Variants in CDH4 observed in about 807,000 individuals in gnomAD.
CDH4 encodes the protein cadherin-4.
In CDH4, 33 loss-of-function variants were observed where a neutral mutation model predicts 86.0. The observed-to-expected ratio is 0.38, with a 90% CI of 0.29 to 0.51. CDH4 has a LOEUF of 0.51. Among genes scored for constraint, CDH4 ranks in the 20% least tolerant of loss-of-function variants. The pLI is 0.86. For missense variants in CDH4, 1,114 were observed against 1,307.4 expected, an observed-to-expected ratio of 0.85 and a Z score of 2.28; for synonymous variants, 555 against 549.4, an observed-to-expected ratio of 1.01 and a Z score of -0.14.
intron 2 of CDH4, among the ~76,000 whole-genome samples, chr20:61,364,761 A>G (rs2084802205): frequency 6.6e-6 from 1 of 152,248 alleles, no homozygotes; most frequent in African/African-American, 2.4e-5. Context: ...ATCTGGTTTC[A>G]AACCCAAGCG....
At chr20:61,909,022 T>G (rs1441665086) in intron 8 of CDH4, among the ~76,000 whole-genome samples, 2 of 152,188 alleles carry the variant, frequency 1.3e-5, no homozygotes, top group Non-Finnish European at 2.9e-5. Flanking sequence ...CTTGGTCACC[T>G]CTTTAAAAGT....
intron 2 of CDH4, among the ~76,000 whole-genome samples, chr20:61,271,290 C>A (rs2123138296): frequency 6.6e-6 from 1 of 152,318 alleles, no homozygotes; most frequent in Non-Finnish European, 1.5e-5. Flanking sequence ...GCGACGAGAG[C>A]AAATGTGGAG....
At chr20:61,550,012 C>CCCTGGCCTCCTTGT (rs1181928470) in intron 2 of CDH4, among the ~76,000 whole-genome samples, 14 of 151,646 alleles carry the variant, frequency 9.2e-5, no homozygotes, top group Non-Finnish European at 1.9e-4. Flanking sequence ...CTCACTGCAG[C>CCCTGGCCTCCTTGT]CCTGGCCTCC....
intron 2 of CDH4, chr20:61,740,389 A>G (rs2088318961): frequency 1.3e-5 from 2 of 152,198 alleles, no homozygotes; most frequent in African/African-American, 4.8e-5. Context: ...AGGTACCCAC[A>G]TTTCACAGAG....
intron 2 of CDH4, among the ~76,000 whole-genome samples, chr20:61,739,928 C>T (rs1007533221): frequency 6.6e-6 from 1 of 152,250 alleles, no homozygotes; most frequent in African/African-American, 2.4e-5. Context: ...AAGTCAGTGC[C>T]AGGCAACACC....
At chr20:61,331,182 G>T (rs1445780188) in intron 2 of CDH4, among the ~76,000 whole-genome samples, 3 of 151,988 alleles carry the variant, frequency 2.0e-5, no homozygotes, top group African/African-American at 2.4e-5. Flanking sequence ...CATGCCCAGT[G>T]CCCAGGAGCC....
chr20:61,615,571 G>A (rs1418698167), intron 2 of CDH4, among the ~76,000 whole-genome samples: 1 of 152,226 alleles, frequency 6.6e-6, no homozygotes, highest in Non-Finnish European at 1.5e-5. Context: ...GGATATTGGG[G>A]AGTTGGAAAC....
intron 2 of CDH4, among the ~76,000 whole-genome samples, chr20:61,410,611 C>T (rs1014429680): frequency 6.7e-6 from 1 of 150,020 alleles, no homozygotes; most frequent in Non-Finnish European, 1.5e-5. Context: ...ACACATCCCT[C>T]CATCTTCCAT....
intron 8 of CDH4, among the ~76,000 whole-genome samples, chr20:61,906,259 CA>C (rs544614264): frequency 1.3e-5 from 2 of 152,220 alleles, no homozygotes; most frequent in Admixed American, 6.5e-5. Context: ...GACTCAATGC[CA>C]CTGTTGGGGC....
chr20:61,933,141 C>T lies in CDH4; in HGVS notation c.2379+17C>T, dbSNP rs373001717. 254 of 1,608,190 alleles carry T rather than the reference C, an allele frequency of 1.6e-4. No homozygotes were observed. Among genetic ancestry groups the T allele is most frequent in the Non-Finnish European group, 2.0e-4 (236 of 1,176,800 alleles). On this transcript the variant is annotated intron_variant, in intron 14 of 15. Transcript: ENST00000614565. ...GAGGACCAGGTGAGACTGCGGCCCG[C>T]CCCCGCCTCCCCACGCGAGGCCGGC...
At chr20:61,425,956 G>C (rs924170927) in intron 2 of CDH4, among the ~76,000 whole-genome samples, 1 of 152,270 alleles carries the variant, frequency 6.6e-6, no homozygotes, top group African/African-American at 2.4e-5. Context: ...CAGATCATCT[G>C]AAAACTGAGG....
intron 2 of CDH4, among the ~76,000 whole-genome samples, chr20:61,508,819 T>C (rs531350564): frequency 9.9e-5 from 15 of 152,276 alleles, no homozygotes; most frequent in African/African-American, 3.4e-4. Flanking sequence ...ACAAAAATGA[T>C]GCTAACTTCC....
intron 13 of CDH4, among the ~76,000 whole-genome samples, chr20:61,931,363 C>T (rs2055106861): frequency 6.6e-6 from 1 of 152,256 alleles, no homozygotes; most frequent in African/African-American, 2.4e-5. Flanking sequence ...CCGGCTGTCA[C>T]CTCACCCTCT....
intron 2 of CDH4, among the ~76,000 whole-genome samples, chr20:61,270,566 C>T (rs2084178110): frequency 6.6e-6 from 1 of 152,070 alleles, no homozygotes; most frequent in African/African-American, 2.4e-5. Context: ...GACTGACCCG[C>T]ACAGACGTGT....
chr20:61,458,204 ATGT>A (rs568379428), intron 2 of CDH4, among the ~76,000 whole-genome samples: 63 of 148,590 alleles, frequency 4.2e-4, no homozygotes, highest in Non-Finnish European at 7.0e-4. Flanking sequence ...TATGGTCATG[ATGT>A]TGATGACAGT....
intron 2 of CDH4, among the ~76,000 whole-genome samples, chr20:61,494,457 G>A (rs1484043635): frequency 6.6e-6 from 1 of 152,200 alleles, no homozygotes; most frequent in East Asian, 1.9e-4. Flanking sequence ...AACTCATAAT[G>A]AAATACAGAA....
chr20:61,853,924 C>T (rs1347154341), intron 6 of CDH4, among the ~76,000 whole-genome samples: 3 of 152,134 alleles, frequency 2.0e-5, no homozygotes, highest in Admixed American at 6.5e-5. Flanking sequence ...TGGGCCACCC[C>T]TAAAGTACAA....
chr20:61,815,497 C>T (rs767580849), intron 4 of CDH4, among the ~76,000 whole-genome samples: 1 of 152,146 alleles, frequency 6.6e-6, no homozygotes, highest in Non-Finnish European at 1.5e-5. Context: ...AGGGAGGCTC[C>T]GGGAGACAGG....
intron 9 of CDH4, among the ~76,000 whole-genome samples, chr20:61,920,956 T>C (rs1672817218): frequency 7.1e-6 from 1 of 141,100 alleles, no homozygotes; most frequent in Admixed American, 7.1e-5. Context: ...AGTAATTGCA[T>C]GGAAGCATGT....
Sources: gnomAD v4.1 joint callset for allele counts (sites outside exome capture counted in the v4.1 genomes callset) on GRCh38, gnomAD v4.1.1 for gene constraint, MANE v1.5 for transcripts, NCBI Gene and HGNC (gene_info 2026-07-23, HGNC 2026-07-21) for gene names.